The following NEK1 variants were observed in gnomAD, a reference collection of about 807,000 sequenced individuals.
NEK1 encodes the protein serine/threonine-protein kinase Nek1.
Under a neutral mutation model 182.1 loss-of-function variants are expected in NEK1, and 137 were observed. That is an observed-to-expected ratio of 0.75 (90% CI 0.65 to 0.87). The LOEUF is 0.87. Among genes scored for constraint, NEK1 ranks in the 40% least tolerant of loss-of-function variants. NEK1 has a pLI of 0.00. For missense variants in NEK1, 1,391 were observed against 1,494.4 expected (o/e 0.93, Z 1.14); for synonymous variants, 513 against 492.2 (o/e 1.04, Z -0.56).
At chr4:169,569,916 C>A (rs1242698006) in intron 12 of NEK1, among the ~76,000 whole-genome samples, 2 of 152,188 alleles carry the variant, frequency 1.3e-5, no homozygotes, top group African/African-American at 2.4e-5. Flanking sequence ...GCCGCCACCC[C>A]GTCTGGGAAG....
chr4:169,573,702 T>C (rs1035068987), intron 12 of NEK1, among the ~76,000 whole-genome samples: 1 of 152,178 alleles, frequency 6.6e-6, no homozygotes, highest in Non-Finnish European at 1.5e-5. Flanking sequence ...GGCAGACTCC[T>C]AAAGAAGTAA....
At chr4:169,610,316 T>TC (rs1396183369) in intron 2 of NEK1, among the ~76,000 whole-genome samples, 1 of 151,870 alleles carries the variant, frequency 6.6e-6, no homozygotes, top group African/African-American at 2.4e-5. Context: ...ATTTCTTTCT[T>TC]TTTTTCTTTT....
intron 16 of NEK1, among the ~76,000 whole-genome samples, chr4:169,559,962 T>A (rs1762670652): frequency 1.3e-5 from 2 of 152,160 alleles, no homozygotes; most frequent in Non-Finnish European, 2.9e-5. Context: ...TGAGCTGAGA[T>A]CGTGCCATTG....
intron 23 of NEK1, among the ~76,000 whole-genome samples, chr4:169,495,581 A>G (rs1238799433): frequency 6.6e-6 from 1 of 152,126 alleles, no homozygotes; most frequent in Non-Finnish European, 1.5e-5. Flanking sequence ...ATTTTTGTAT[A>G]AAGTGTAAAG....
At chr4:169,399,482 C>T (rs1225066952) in intron 35 of NEK1, among the ~76,000 whole-genome samples, 1 of 151,614 alleles carries the variant, frequency 6.6e-6, no homozygotes, top group East Asian at 1.9e-4. Context: ...GAGGCTGAGG[C>T]AGGAGAATCA....
chr4:169,435,675 A>G (rs6827798), intron 28 of NEK1, among the ~76,000 whole-genome samples: 2,145 of 152,270 alleles, frequency 0.014, 43 homozygotes, highest in African/African-American at 0.049. Flanking sequence ...CCAAGCCATC[A>G]TGAAAATAGT....
At chr4:169,506,046 G>A (rs1242260421) in intron 23 of NEK1, among the ~76,000 whole-genome samples, 1 of 150,536 alleles carries the variant, frequency 6.6e-6, no homozygotes, top group African/African-American at 2.4e-5. Context: ...TAACTTGTAG[G>A]TTTAATATAA....
chr4:169,499,444 A>G (rs923599230), intron 23 of NEK1, among the ~76,000 whole-genome samples: 30 of 152,138 alleles, frequency 2.0e-4, no homozygotes, highest in Non-Finnish European at 4.0e-4. Flanking sequence ...GTTGCTGGTG[A>G]GGAGCTGCAT....
chr4:169,458,272 T>C (rs1743290724), intron 27 of NEK1, among the ~76,000 whole-genome samples: 1 of 152,136 alleles, frequency 6.6e-6, no homozygotes, highest in Non-Finnish European at 1.5e-5. Context: ...AACTGATCTT[T>C]GGCAAAGGAG....
chr4:169,604,064 T>C (rs1770940918), intron 2 of NEK1, among the ~76,000 whole-genome samples: 1 of 152,224 alleles, frequency 6.6e-6, no homozygotes, highest in African/African-American at 2.4e-5. Flanking sequence ...TTAATCATTT[T>C]ATACTGAGTT....
intron 31 of NEK1, among the ~76,000 whole-genome samples, chr4:169,416,342 T>C (rs1734541089): frequency 1.3e-5 from 2 of 152,218 alleles, no homozygotes; most frequent in African/African-American, 4.8e-5. Context: ...TTACAGGAAT[T>C]ATCATAATGC....
intron 19 of NEK1, among the ~76,000 whole-genome samples, chr4:169,522,985 G>A (rs548001590): frequency 3.3e-5 from 5 of 152,198 alleles, no homozygotes; most frequent in East Asian, 1.9e-4. Flanking sequence ...CTCAAGTCCC[G>A]AGGTCTCTAG....
In NEK1 at chr4:169,555,868, A is replaced by G; in HGVS notation, c.1431-17T>C. The G allele has an allele frequency of 6.2e-7, 1 of 1,613,844 alleles. No homozygotes were observed. Among genetic ancestry groups the G allele is most frequent in the Non-Finnish European group, 8.5e-7 (1 of 1,179,786 alleles). ...AGAATTCCTCTGTAGATAAATATGC[A>G]CAGTGACTTTCATTACTATCTCAGA... On this transcript the variant is annotated splice_polypyrimidine_tract_variant and intron_variant, in intron 17 of 35. Coordinates refer to ENST00000507142, the MANE Select transcript of NEK1 (RefSeq NM_001199397.3).
At chr4:169,497,247 G>A (rs1373672971) in intron 23 of NEK1, among the ~76,000 whole-genome samples, 1 of 152,136 alleles carries the variant, frequency 6.6e-6, no homozygotes. Flanking sequence ...GATTGGTGGT[G>A]ATATCCCCTT....
intron 4 of NEK1, among the ~76,000 whole-genome samples, chr4:169,600,501 A>G (rs1355879341): frequency 6.6e-6 from 1 of 152,106 alleles, no homozygotes; most frequent in Non-Finnish European, 1.5e-5. Context: ...TCCAGCCTCC[A>G]GGAGTATTTA....
At chr4:169,486,963 T>C (rs932719507) in intron 23 of NEK1, among the ~76,000 whole-genome samples, 2 of 152,168 alleles carry the variant, frequency 1.3e-5, no homozygotes, top group Admixed American at 6.5e-5. Context: ...ATTCACAATA[T>C]AGCATACGTG....
At chr4:169,522,565 CT>C (rs887245547) in intron 19 of NEK1, among the ~76,000 whole-genome samples, 1 of 152,206 alleles carries the variant, frequency 6.6e-6, no homozygotes, top group Non-Finnish European at 1.5e-5. Context: ...TTTCTGAAAA[CT>C]TGTGATACTC....
At chr4:169,585,288 G>A in intron 10 of NEK1, 61 bp downstream of exon 10, 1 of 1,227,006 alleles carries the variant, frequency 8.1e-7, no homozygotes, top group South Asian at 1.4e-5. Flanking sequence ...CAACACTGGA[G>A]GCCATGTCTT....
At chr4:169,544,832 C>G (rs1374916796) in intron 18 of NEK1, among the ~76,000 whole-genome samples, 1 of 150,860 alleles carries the variant, frequency 6.6e-6, no homozygotes. Flanking sequence ...GGCGATACCC[C>G]CTTTATCATT....
Sources: allele counts gnomAD v4.1 joint callset (sites outside exome capture counted in the v4.1 genomes callset), GRCh38; gene constraint gnomAD v4.1.1; transcripts MANE v1.5; gene names NCBI Gene and HGNC (gene_info 2026-07-23, HGNC 2026-07-21).